The following EGFR variants were observed in gnomAD, a reference collection of about 807,000 sequenced individuals.
The protein encoded by EGFR is epidermal growth factor receptor.
Under a neutral mutation model 143.0 loss-of-function variants are expected in EGFR, and 58 were observed. That is an observed-to-expected ratio of 0.41 (90% CI 0.33 to 0.50). The LOEUF (loss-of-function observed/expected upper bound fraction) is 0.50. Among genes scored for constraint, EGFR ranks in the 20% least tolerant of loss-of-function variants. EGFR has a pLI of 0.39. For missense variants in EGFR, 1,307 were observed against 1,579.0 expected (o/e 0.83, Z 2.92); for synonymous variants, 613 against 594.4 (o/e 1.03, Z -0.45).
At chr7:55,039,476 G>T (rs1043505234) in intron 1 of EGFR, among the ~76,000 whole-genome samples, 1 of 152,158 alleles carries the variant, frequency 6.6e-6, no homozygotes, top group Admixed American at 6.5e-5. Context: ...CTGGCAGAGA[G>T]AAGAGGGTTT....
chr7:55,133,703 A>G (rs1460816761), intron 1 of EGFR, among the ~76,000 whole-genome samples: 4 of 152,134 alleles, frequency 2.6e-5, no homozygotes, highest in Non-Finnish European at 5.9e-5. Context: ...CGAGCCAGGA[A>G]GGGAGAGGCC....
chr7:55,187,341 A>G (rs1186598103), intron 20 of EGFR, among the ~76,000 whole-genome samples: 1 of 151,892 alleles, frequency 6.6e-6, no homozygotes, highest in African/African-American at 2.4e-5. Context: ...TGATTAATCC[A>G]TTCTACATAT....
chr7:55,176,789 A>T (rs972717503), intron 19 of EGFR, among the ~76,000 whole-genome samples: 1 of 148,058 alleles, frequency 6.8e-6, no homozygotes, highest in Non-Finnish European at 1.5e-5. Flanking sequence ...TACTCTGTAT[A>T]TAGTTATTTA....
intron 1 of EGFR, among the ~76,000 whole-genome samples, chr7:55,028,160 T>C (rs1363193838): frequency 6.6e-6 from 1 of 151,960 alleles, no homozygotes; most frequent in Admixed American, 6.6e-5. Context: ...TGCAGGCCAG[T>C]GCACAGCAGA....
rs192712836 is a variant in EGFR, at chr7:55,112,769, G to T, written c.89-29517G>T. Among the ~76,000 whole-genome samples the T allele has an allele frequency of 3.3e-3, 500 of 152,304 alleles. 4 individuals are homozygous for T. Among genetic ancestry groups the T allele is most frequent in the African/African-American group, 0.012 (487 of 41,552 alleles). Reference sequence around the variant, plus strand: ...ATTGCTGTCGGAGGGCTCTGTAACCGGCCAAGGTCACACAGGTAGCCATTG... The same window carrying T: ...ATTGCTGTCGGAGGGCTCTGTAACCTGCCAAGGTCACACAGGTAGCCATTG... On this transcript the variant is annotated intron_variant, in intron 1 of 27. Coordinates refer to ENST00000275493, the MANE Select transcript of EGFR (RefSeq NM_005228.5).
At chr7:55,096,618 T>G (rs1486846979) in intron 1 of EGFR, among the ~76,000 whole-genome samples, 1 of 152,166 alleles carries the variant, frequency 6.6e-6, no homozygotes, top group Non-Finnish European at 1.5e-5. Flanking sequence ...TGAAATAAAG[T>G]GACTGACCAG....
chr7:55,144,881 T>C (rs1035814922), intron 3 of EGFR, among the ~76,000 whole-genome samples: 1 of 152,144 alleles, frequency 6.6e-6, no homozygotes, highest in African/African-American at 2.4e-5. Flanking sequence ...TCTTCAAAAA[T>C]GTGGATGGCA....
At chr7:55,053,010 C>T (rs1057197581) in intron 1 of EGFR, among the ~76,000 whole-genome samples, 1 of 152,102 alleles carries the variant, frequency 6.6e-6, no homozygotes, top group African/African-American at 2.4e-5. Context: ...CATTGGGAGA[C>T]TCCCTGCTCC....
At chr7:55,104,564 G>A (rs2128903664) in intron 1 of EGFR, among the ~76,000 whole-genome samples, 1 of 152,316 alleles carries the variant, frequency 6.6e-6, no homozygotes, top group Admixed American at 6.5e-5. Flanking sequence ...GGATGCATAT[G>A]GCACTGTCTA....
rs1032283789 is a variant in EGFR at position 55,077,185 on chromosome 7, T to A, written c.88+57820T>A. 3.9e-5 allele frequency among the ~76,000 whole-genome samples: 6 copies of A among 152,160 alleles called. No homozygotes were observed. In the South Asian group the frequency reaches 6.2e-4, roughly 16 times the overall value. On this transcript the variant is annotated intron_variant, in intron 1 of 27. Coordinates refer to ENST00000275493, the MANE Select transcript of EGFR (RefSeq NM_005228.5). ...ATTTCGGTCAGATCTTCATCCTTTG[T>A]AAGCCTAGCAGAAAATATGGCAGTT...
In EGFR at chr7:55,206,410, T is replaced by C. The variant is rs1788108563; in HGVS notation, c.*793T>C. ...GTATGCTGCCCCTGTCTTGCTGTCA[T>C]GAAATCAGCAAGAGAGGATGACACA... On this transcript the variant is annotated 3_prime_UTR_variant, in exon 28 of 28. Transcript: ENST00000275493. 4.3e-6 allele frequency: 1 copy of C among 233,264 alleles called. No individual in the cohort carries two copies. Among genetic ancestry groups the C allele is most frequent in the African/African-American group, 2.2e-5 (1 of 45,340 alleles). 14.4% of individuals were successfully genotyped at this position (233,264 alleles called of 1,614,324 possible). A position where few individuals can be genotyped will look rare whatever the true frequency, so the allele number is the denominator to read the frequency against.
At chr7:55,038,015 G>A (rs1023148891) in intron 1 of EGFR, among the ~76,000 whole-genome samples, 2 of 152,142 alleles carry the variant, frequency 1.3e-5, no homozygotes, top group African/African-American at 4.8e-5. Flanking sequence ...TGTGTACTCT[G>A]GGCTGTCCCT....
intron 3 of EGFR, 147 bp from the exon 4 acceptor site, chr7:55,146,459 C>T: frequency 1.6e-6 from 2 of 1,281,932 alleles, no homozygotes; most frequent in Non-Finnish European, 2.2e-6. Flanking sequence ...TGGCCGCCCC[C>T]CGGGAAGTTC....
intron 1 of EGFR, among the ~76,000 whole-genome samples, chr7:55,034,105 T>C (rs1162356201): frequency 6.6e-6 from 1 of 152,142 alleles, no homozygotes; most frequent in Non-Finnish European, 1.5e-5. Context: ...GCCTGGACCA[T>C]CTTGTGAGGA....
Position 55,202,542 on chromosome 7 carries a change from A to G in EGFR, c.3188A>G (p.Asp1063Gly), listed in dbSNP as rs1224584642. ...CTGCAAAGCTGTCCCATCAAGGAAG[A>G]CAGCTTCTTGCAGCGATACAGCTCA... ...NGLQSCPIKE[D>G]SFLQRYSSDP... The change falls in exon 27 of 28, where the codon GAC (aspartate) becomes GGC (glycine). Residue 1063 changes from aspartate to glycine, a missense_variant. Transcript: ENST00000275493. The G allele has an allele frequency of 1.2e-6, 2 of 1,612,128 alleles. No individual in the cohort carries two copies. The highest frequency in any genetic ancestry group is 1.7e-6 in the Non-Finnish European group (2 of 1,179,134).
chr7:55,128,992 A>T (rs1793689069), intron 1 of EGFR, among the ~76,000 whole-genome samples: 1 of 152,250 alleles, frequency 6.6e-6, no homozygotes, highest in Middle Eastern at 3.2e-3. Flanking sequence ...CATTCCAGTA[A>T]TTCAACAATT....
intron 1 of EGFR, among the ~76,000 whole-genome samples, chr7:55,099,984 G>C (rs1163464038): frequency 1.3e-5 from 2 of 152,176 alleles, no homozygotes; most frequent in Non-Finnish European, 2.9e-5. Context: ...TGCATCTTAT[G>C]GTTTCAATCC....
chr7:55,022,792 G>C (rs1322892062), intron 1 of EGFR, among the ~76,000 whole-genome samples: 1 of 152,166 alleles, frequency 6.6e-6, no homozygotes, highest in Non-Finnish European at 1.5e-5. Context: ...CATAACTCAT[G>C]ATTTTTCAAA....
At position 55,171,194 on chromosome 7, in the gene EGFR, G is replaced by A. The variant is rs765068810; in HGVS notation, c.1900G>A (p.Glu634Lys). Residue 634 changes from glutamate to lysine, a missense_variant, in exon 16 of 28, where the codon GAA (glutamate) becomes AAA (lysine). This residue lies in a region of EGFR where 348 missense variants were observed against 451.5 expected (regional missense o/e 0.77). Transcript: ENST00000275493. ...CTYGCTGPGL[E>K]GCPTNGPKIP... is the part of the protein sequence containing the mutation. ...CTACAGATGCACTGGGCCAGGTCTT[G>A]AAGGCTGTCCAACGAATGGGTAAGT... The A allele has an allele frequency of 8.1e-6, 13 of 1,614,096 alleles. No homozygotes were observed. The African/African-American group carries it at 1.2e-4, about 15-fold the overall frequency.
Sources: gnomAD v4.1 joint callset for allele counts (sites outside exome capture counted in the v4.1 genomes callset) on GRCh38, gnomAD v4.1.1 for gene constraint, gnomAD v4.1.1 regional missense constraint, MANE v1.5 for transcripts, NCBI Gene and HGNC (gene_info 2026-07-23, HGNC 2026-07-21) for gene names.